Variants in PTPRM observed in about 807,000 individuals in gnomAD.
PTPRM encodes the protein receptor-type tyrosine-protein phosphatase mu.
A neutral mutation model predicts 186.7 loss-of-function variants in PTPRM; 47 were observed. The ratio of observed to expected loss-of-function variants is 0.25; its 90% confidence interval spans 0.20 to 0.32. PTPRM has a LOEUF of 0.32. PTPRM is among the 10% of genes least tolerant of loss of function. The pLI, the probability that PTPRM is intolerant of heterozygous loss-of-function variation, is 1.00. For synonymous variants in PTPRM, 668 were observed against 674.9 expected (o/e 0.99, Z 0.16); for missense variants, 1,494 against 1,865.0 (o/e 0.80, Z 3.66).
intron 1 of PTPRM, among the ~76,000 whole-genome samples, chr18:7,633,125 A>G (rs2038230244): frequency 6.6e-6 from 1 of 152,210 alleles, no homozygotes; most frequent in South Asian, 2.1e-4. Context: ...GCCATGTGCA[A>G]TGAGCCATGA....
intron 1 of PTPRM, among the ~76,000 whole-genome samples, chr18:7,597,250 C>T (rs1250164206): frequency 6.6e-6 from 1 of 152,154 alleles, no homozygotes; most frequent in East Asian, 1.9e-4. Context: ...TTATGAGCAG[C>T]AGTAGAAGCC....
intron 20 of PTPRM, among the ~76,000 whole-genome samples, chr18:8,310,361 C>T (rs756855609): frequency 2.2e-4 from 33 of 151,546 alleles, no homozygotes; most frequent in Non-Finnish European, 3.8e-4. Context: ...TGGCTTCCCA[C>T]GGTGCTCAGG....
intron 2 of PTPRM, among the ~76,000 whole-genome samples, chr18:7,808,454 A>G (rs1165492574): frequency 1.3e-5 from 2 of 152,196 alleles, no homozygotes. Flanking sequence ...TGTCTTCTTA[A>G]TTTAAATGGA....
At chr18:8,138,772 C>T (rs548928314) in intron 13 of PTPRM, among the ~76,000 whole-genome samples, 7 of 152,274 alleles carry the variant, frequency 4.6e-5, no homozygotes, top group Non-Finnish European at 7.3e-5. Flanking sequence ...CTTTCCCTCC[C>T]GCATCATCAA....
At chr18:8,246,253 T>C (rs117585640) in intron 15 of PTPRM, among the ~76,000 whole-genome samples, 2 of 152,314 alleles carry the variant, frequency 1.3e-5, no homozygotes, top group East Asian at 3.9e-4. Flanking sequence ...GCATGAGCTC[T>C]TTCAGGGTTG....
rs778924080 is a variant in PTPRM, at chr18:8,078,768, A to G, written c.1551+2204A>G. ...GGCGAGGGTCTCAGGAACCTTATGA[A>G]TGTGGCAGAGGGTGAAGGGCAGCAG... On this transcript the variant is annotated intron_variant, in intron 9 of 32. Coordinates refer to ENST00000580170, the MANE Select transcript of PTPRM (RefSeq NM_001105244.2). 5.7e-4 allele frequency among the ~76,000 whole-genome samples: 87 copies of G among 152,194 alleles called. 1 individual carries two copies. Among genetic ancestry groups the G allele is most frequent in the Non-Finnish European group, 1.1e-3 (78 of 68,042 alleles).
At chr18:7,925,968 A>G (rs7236256) in intron 4 of PTPRM, among the ~76,000 whole-genome samples, 61,588 of 152,080 alleles carry the variant, frequency 0.4, 13,847 homozygotes, top group African/African-American at 0.61. Flanking sequence ...TTCTTGAATT[A>G]GAAATAAGAA....
At chr18:8,156,879 T>C (rs562503607) in intron 14 of PTPRM, among the ~76,000 whole-genome samples, 57 of 152,350 alleles carry the variant, frequency 3.7e-4, no homozygotes, top group South Asian at 2.7e-3. Flanking sequence ...TTTAGAATTC[T>C]TTTGAATAGC....
chr18:8,278,714 T>C (rs1421677758), intron 19 of PTPRM, among the ~76,000 whole-genome samples: 1 of 152,150 alleles, frequency 6.6e-6, no homozygotes, highest in Non-Finnish European at 1.5e-5. Context: ...CCAGAATCTA[T>C]CTCTCACATG....
intron 2 of PTPRM, among the ~76,000 whole-genome samples, chr18:7,882,499 C>T (rs554914122): frequency 7.9e-5 from 12 of 152,074 alleles, no homozygotes; most frequent in South Asian, 2.1e-4. Flanking sequence ...GTTTGCCTCT[C>T]GTATTCTAAA....
intron 7 of PTPRM, among the ~76,000 whole-genome samples, chr18:8,023,809 T>C (rs1249978665): frequency 6.7e-6 from 1 of 149,458 alleles, no homozygotes; most frequent in Non-Finnish European, 1.5e-5. Flanking sequence ...TCTTTGCCAA[T>C]TTAAATGGTA....
chr18:8,158,627 C>T (rs375739780), intron 14 of PTPRM, among the ~76,000 whole-genome samples: 1 of 152,098 alleles, frequency 6.6e-6, no homozygotes, highest in Non-Finnish European at 1.5e-5. Context: ...TTACTATAAA[C>T]GAATACCTGA....
At chr18:8,193,169 A>T (rs767483288) in intron 14 of PTPRM, among the ~76,000 whole-genome samples, 1 of 152,190 alleles carries the variant, frequency 6.6e-6, no homozygotes, top group African/African-American at 2.4e-5. Context: ...GGGAAATTCT[A>T]TGTAAGATAT....
At chr18:8,370,189 CAAAA>C (rs11288424) in intron 23 of PTPRM, among the ~76,000 whole-genome samples, 3 of 121,884 alleles carry the variant, frequency 2.5e-5, no homozygotes, top group Non-Finnish European at 5.2e-5. Flanking sequence ...ACATTCTTAC[CAAAA>C]AAAAAAAAAA....
At chr18:8,260,313 C>A (rs2094616193) in intron 19 of PTPRM, among the ~76,000 whole-genome samples, 1 of 152,124 alleles carries the variant, frequency 6.6e-6, no homozygotes, top group African/African-American at 2.4e-5. Context: ...CAGGCACGCA[C>A]CACCAAGCCC....
chr18:7,624,669 G>A (rs1301189180), intron 1 of PTPRM, among the ~76,000 whole-genome samples: 8 of 152,116 alleles, frequency 5.3e-5, no homozygotes, highest in Admixed American at 5.2e-4. Context: ...TAGAGATGGG[G>A]TTTTGCTACG....
intron 4 of PTPRM, among the ~76,000 whole-genome samples, chr18:7,910,741 C>T (rs1228292741): frequency 6.6e-6 from 1 of 152,154 alleles, no homozygotes; most frequent in Non-Finnish European, 1.5e-5. Context: ...AGGAGGGGAC[C>T]AGTCAGAGGT....
intron 14 of PTPRM, among the ~76,000 whole-genome samples, chr18:8,165,543 T>C (rs1319474908): frequency 1.3e-5 from 2 of 152,294 alleles, no homozygotes; most frequent in East Asian, 3.9e-4. Flanking sequence ...CCTCCTGAAT[T>C]GTTACCACAA....
rs5822977 is a variant in PTPRM at position 7,660,335 on chromosome 18, C to CAA, written c.73+92454_73+92455dup. 7.7e-3 allele frequency among the ~76,000 whole-genome samples: 1,130 copies of CAA among 147,100 alleles called. 11 individuals carry two copies. The highest frequency in any genetic ancestry group is 0.02 in the African/African-American group (802 of 40,524). ...TGGGTGACAAAGAGAGACAATTTCT[C>CAA]AAAAAAAAAAATAATAAAATAAGTA... is the stretch of plus-strand genomic sequence containing the variant. On this transcript the variant is annotated intron_variant, in intron 1 of 32. Transcript: ENST00000580170.
Sources: allele counts gnomAD v4.1 joint callset (sites outside exome capture counted in the v4.1 genomes callset), GRCh38; gene constraint gnomAD v4.1.1; transcripts MANE v1.5; gene names NCBI Gene and HGNC (gene_info 2026-07-23, HGNC 2026-07-21).